ZNF180: variants seen among roughly 807,000 people sequenced by gnomAD.
ZNF180 encodes zinc finger protein 180 (HHZ168).
In ZNF180, 11 loss-of-function variants were observed where a neutral mutation model predicts 11.8. That is an observed-to-expected ratio of 0.93 (90% confidence interval 0.59 to 1.55). The LOEUF is 1.55. Among genes scored for constraint, ZNF180 ranks in the 40% most tolerant of loss-of-function variants. The probability of loss-of-function intolerance (pLI) is 0.00; values close to 1 mark genes in which losing one functional copy is unlikely to be tolerated. For missense variants in ZNF180, 773 were observed against 781.7 expected, an observed-to-expected ratio of 0.99 and a Z score of 0.13; for synonymous variants, 287 against 257.7, an observed-to-expected ratio of 1.11 and a Z score of -1.09.
In ZNF180 at chr19:44,476,576, A is replaced by G. The variant is rs1181560713; in HGVS notation, c.1824T>C (p.Cys608=). The G allele has an allele frequency of 6.2e-7, 1 of 1,614,050 alleles. No homozygotes were observed. The highest frequency in any genetic ancestry group is 1.3e-5 in the African/African-American group (1 of 74,950). ...RTHTGEKPFE[C]NQCGKTFSLS... ...AGCTAAATGTTTTTCCACACTGATT[A>G]CATTCAAATGGTTTCTCTCCAGTAT... Residue 608 remains cysteine (C), a synonymous_variant, in exon 5 of 5, where the codon TGT becomes TGC. Transcript: ENST00000592529.
chr19:44,493,214 T>C (rs973434653), intron 2 of ZNF180, among the ~76,000 whole-genome samples: 1 of 152,188 alleles, frequency 6.6e-6, no homozygotes, highest in Non-Finnish European at 1.5e-5. Flanking sequence ...AGAATGACAG[T>C]GGATGGGTGA....
intron 3 of ZNF180, among the ~76,000 whole-genome samples, chr19:44,479,662 T>G (rs979407793): frequency 6.6e-6 from 1 of 152,210 alleles, no homozygotes; most frequent in Non-Finnish European, 1.5e-5. Context: ...ACTATTTTAT[T>G]TTGTCTGCCT....
At chr19:44,480,981 G>T (rs958076371) in intron 3 of ZNF180, among the ~76,000 whole-genome samples, 1 of 152,126 alleles carries the variant, frequency 6.6e-6, no homozygotes, top group African/African-American at 2.4e-5. Flanking sequence ...TAACAGTTCT[G>T]TTTCTATCCA....
At chr19:44,491,579 T>C (rs1165404619) in intron 2 of ZNF180, among the ~76,000 whole-genome samples, 1 of 74,714 alleles carries the variant, frequency 1.3e-5, no homozygotes, top group African/African-American at 7.7e-5. Flanking sequence ...CATCTAAACT[T>C]TTTTTTTAAG....
chr19:44,500,380 T>A lies in ZNF180; in HGVS notation c.-149A>T, dbSNP rs966645664. On this transcript the variant is annotated 5_prime_UTR_variant, in exon 1 of 5. Transcript: ENST00000592529. ...CGGGTTAGGCAACCCCCTGCCCCGATTCTGCAACACGGCCGACTCGGGTTA... is the reference window on the plus strand; with the variant it reads ...CGGGTTAGGCAACCCCCTGCCCCGAATCTGCAACACGGCCGACTCGGGTTA... The A allele has an allele frequency of 1.9e-6, 2 of 1,040,088 alleles. No homozygotes were observed. The highest frequency in any genetic ancestry group is 2.9e-6 in the Non-Finnish European group (2 of 685,758). The allele number at this position is 1,040,088 out of a possible 1,614,324, so 64.4% of individuals were successfully genotyped here. A position where few individuals can be genotyped will look rare whatever the true frequency, so the allele number is the denominator to read the frequency against.
chr19:44,478,470 G>A (rs1268518953), intron 4 of ZNF180, among the ~76,000 whole-genome samples: 1 of 152,196 alleles, frequency 6.6e-6, no homozygotes, highest in Non-Finnish European at 1.5e-5. Context: ...ACCCAATTTT[G>A]CAATATGTAT....
intron 4 of ZNF180, among the ~76,000 whole-genome samples, chr19:44,478,546 A>T (rs1374580356): frequency 6.6e-6 from 1 of 152,258 alleles, no homozygotes; most frequent in Admixed American, 6.5e-5. Flanking sequence ...CTACATATCC[A>T]GGAATTTCTG....
At chr19:44,498,953 A>C (rs1970661708) in intron 1 of ZNF180, among the ~76,000 whole-genome samples, 1 of 152,004 alleles carries the variant, frequency 6.6e-6, no homozygotes. Context: ...TGCATCCAGG[A>C]CCTGGCTCCT....
chr19:44,480,700 T>C (rs1383549791), intron 3 of ZNF180, among the ~76,000 whole-genome samples: 4 of 152,224 alleles, frequency 2.6e-5, no homozygotes, highest in African/African-American at 4.8e-5. Flanking sequence ...CTTAAACATA[T>C]AGCCTAATGG....
At chr19:44,489,119 C>A (rs569628051) in intron 2 of ZNF180, among the ~76,000 whole-genome samples, 2 of 142,540 alleles carry the variant, frequency 1.4e-5, no homozygotes, top group South Asian at 4.6e-4. Context: ...GCCAGCCTCC[C>A]GCCCGGCCAG....
chr19:44,485,409 C>A lies in ZNF180; in HGVS notation c.52-974G>T, dbSNP rs1005679527. Among the ~76,000 whole-genome samples, 6 of 152,298 alleles carry A rather than the reference C, an allele frequency of 3.9e-5. No individual in the cohort carries two copies. The East Asian group carries it at 9.6e-4, about 24-fold the overall frequency. On this transcript the variant is annotated intron_variant, in intron 2 of 4. Transcript: ENST00000592529. ...AAGTTCACATGGATACCTCCAATTACAATTCAATAACACATTTTATTCTGT... is the reference window on the plus strand; with the variant it reads ...AAGTTCACATGGATACCTCCAATTAAAATTCAATAACACATTTTATTCTGT...
At chr19:44,484,739 A>C (rs1970179197) in intron 2 of ZNF180, 1 of 428,848 alleles carries the variant, frequency 2.3e-6, no homozygotes, top group Non-Finnish European at 4.3e-6. Context: ...AGGAGCACTA[A>C]GACGCTAAGA....
Position 44,477,376 on chromosome 19 carries a change from C to T in ZNF180, c.1024G>A (p.Val342Ile). The change falls in exon 5 of 5, where the codon GTT becomes ATT. Residue 342 changes from valine to isoleucine, a missense_variant. Transcript: ENST00000592529. ...GKSFSWSSHL[V>I]AHQRTHTGEK... Reference sequence around the variant, plus strand: ...CCTGTGTGAGTTCTCTGATGTGCAACAAGATGCGAGCTCCAGCTGAAGGAT... The same window carrying T: ...CCTGTGTGAGTTCTCTGATGTGCAATAAGATGCGAGCTCCAGCTGAAGGAT... The T allele has an allele frequency of 1.2e-6, 2 of 1,614,092 alleles. No individual in the cohort carries two copies. The highest frequency in any genetic ancestry group is 4.5e-5 in the East Asian group (2 of 44,870).
intron 2 of ZNF180, among the ~76,000 whole-genome samples, chr19:44,496,343 G>A (rs1489621998): frequency 6.6e-6 from 1 of 152,012 alleles, no homozygotes; most frequent in Non-Finnish European, 1.5e-5. Flanking sequence ...TTACCTTAAA[G>A]TGTACTGTAC....
chr19:44,496,334 T>C (rs144286921), intron 2 of ZNF180, among the ~76,000 whole-genome samples: 1,918 of 152,234 alleles, frequency 0.013, 36 homozygotes, highest in Non-Finnish European at 0.018. Flanking sequence ...TCAATATTTT[T>C]ACCTTAAAGT....
At chr19:44,481,334 G>C (rs1325735252) in intron 3 of ZNF180, among the ~76,000 whole-genome samples, 1 of 152,104 alleles carries the variant, frequency 6.6e-6, no homozygotes, top group African/African-American at 2.4e-5. Context: ...AAATTTCACT[G>C]AAACCTCAAA....
chr19:44,497,617 ACCAT>A (rs1970625578), intron 1 of ZNF180, among the ~76,000 whole-genome samples: 1 of 151,944 alleles, frequency 6.6e-6, no homozygotes, highest in Admixed American at 6.6e-5. Flanking sequence ...GGGCCCCTGG[ACCAT>A]CTACCTGTAA....
chr19:44,485,333 T>C (rs577271586), intron 2 of ZNF180, among the ~76,000 whole-genome samples: 162 of 152,316 alleles, frequency 1.1e-3, no homozygotes, highest in Non-Finnish European at 1.8e-3. Flanking sequence ...GCTCGCCTCT[T>C]TACATCAAAA....
Position 44,476,868 on chromosome 19 carries a change from G to A in ZNF180, c.1532C>T (p.Ala511Val). ...KSFSWSSQLV[A>V]HQRTHTGEKP... The stretch of plus-strand genomic sequence containing the variant: ...CTCTCCAGTGTGAGTTCTTTGATGT[G>A]CAACAAGCTGAGAGCTCCAGCTGAA... Residue 511 changes from alanine (A) to valine (V), a missense_variant, in exon 5 of 5, where the codon GCA (alanine) becomes GTA (valine). By Grantham distance (64) the Ala-to-Val change is moderately conservative. Transcript: ENST00000592529. 2 of 1,613,754 alleles carry A rather than the reference G, an allele frequency of 1.2e-6. No homozygotes were observed. Among genetic ancestry groups the A allele is most frequent in the Non-Finnish European group, 1.7e-6 (2 of 1,179,926 alleles).
Sources: gnomAD v4.1 joint callset for allele counts (sites outside exome capture counted in the v4.1 genomes callset) on GRCh38, gnomAD v4.1.1 for gene constraint, MANE v1.5 for transcripts, NCBI Gene and HGNC (gene_info 2026-07-23, HGNC 2026-07-21) for gene names.